The following XKR4 variants were observed in gnomAD, a reference collection of about 807,000 sequenced individuals.
XKR4 encodes XK related 4.
XKR4 carries 12 observed loss-of-function variants against 53.9 expected under a neutral mutation model. The observed-to-expected ratio is 0.22, with a 90% confidence interval of 0.14 to 0.36. The LOEUF (loss-of-function observed/expected upper bound fraction) is 0.36. Among genes scored for constraint, XKR4 ranks in the 10% least tolerant of loss-of-function variants. The probability of loss-of-function intolerance (pLI) is 1.00; values close to 1 mark genes in which losing one functional copy is unlikely to be tolerated. For synonymous variants in XKR4, 354 were observed against 362.4 expected (o/e 0.98, Z 0.26); for missense variants, 799 against 859.5 (o/e 0.93, Z 0.88).
intron 1 of XKR4, among the ~76,000 whole-genome samples, chr8:55,331,615 T>C (rs183610212): frequency 1.2e-3 from 184 of 152,296 alleles, no homozygotes; most frequent in African/African-American, 4.3e-3. Flanking sequence ...TGCAGATATT[T>C]AGGAAGTCTG....
At chr8:55,380,731 T>A (rs987486713) in intron 2 of XKR4, among the ~76,000 whole-genome samples, 3 of 152,264 alleles carry the variant, frequency 2.0e-5, no homozygotes, top group African/African-American at 7.2e-5. Context: ...CAACTCACCC[T>A]GTGTGTTTCT....
chr8:55,390,508 T>C (rs1447165114), intron 2 of XKR4, among the ~76,000 whole-genome samples: 1 of 152,206 alleles, frequency 6.6e-6, no homozygotes, highest in Non-Finnish European at 1.5e-5. Flanking sequence ...ACCTTAATGT[T>C]GTAAGTACCT....
intron 1 of XKR4, among the ~76,000 whole-genome samples, chr8:55,141,263 C>T (rs559527119): frequency 1.3e-5 from 2 of 152,212 alleles, no homozygotes; most frequent in African/African-American, 4.8e-5. Context: ...CCGCCTCCCT[C>T]CTCCTCTGCC....
At chr8:55,296,310 C>A (rs1819100648) in intron 1 of XKR4, among the ~76,000 whole-genome samples, 1 of 152,220 alleles carries the variant, frequency 6.6e-6, no homozygotes, top group Admixed American at 6.5e-5. Flanking sequence ...CCACCCTCAG[C>A]TACTGCTAGT....
chr8:55,385,112 G>A (rs1804289987), intron 2 of XKR4, among the ~76,000 whole-genome samples: 1 of 152,156 alleles, frequency 6.6e-6, no homozygotes, highest in Non-Finnish European at 1.5e-5. Context: ...ATGCTCTAAG[G>A]GCAGCTAAAA....
chr8:55,478,786 A>G (rs1806048390), intron 2 of XKR4, among the ~76,000 whole-genome samples: 1 of 152,132 alleles, frequency 6.6e-6, no homozygotes, highest in African/African-American at 2.4e-5. Context: ...ACCAACAGAG[A>G]TCAAAAGAGA....
At chr8:55,239,539 C>G (rs1818178741) in intron 1 of XKR4, among the ~76,000 whole-genome samples, 1 of 152,172 alleles carries the variant, frequency 6.6e-6, no homozygotes, top group Non-Finnish European at 1.5e-5. Flanking sequence ...CTCTGTGCCA[C>G]TCTCCTTCTG....
At chr8:55,367,050 C>T (rs771512852) in intron 2 of XKR4, among the ~76,000 whole-genome samples, 2 of 152,146 alleles carry the variant, frequency 1.3e-5, no homozygotes, top group Non-Finnish European at 2.9e-5. Flanking sequence ...AACATAGATA[C>T]AGAAAAGTAC....
rs988128241 is a variant in XKR4, at chr8:55,526,225, C to G, written c.*1998C>G. On this transcript the variant is annotated 3_prime_UTR_variant, in exon 3 of 3. Coordinates refer to ENST00000327381, the MANE Select transcript of XKR4 (RefSeq NM_052898.2). ...AATTCACACAAAGTAGTCCAGTTCT[C>G]TAGCCACCACCTGTAATGGGTGTGT... The G allele has an allele frequency of 6.6e-6, 1 of 152,290 alleles. No individual in the cohort carries two copies. Among genetic ancestry groups the G allele is most frequent in the Non-Finnish European group, 1.5e-5 (1 of 68,044 alleles). The allele number at this position is 152,290 out of a possible 1,614,324, so 9.4% of individuals were successfully genotyped here. A position where few individuals can be genotyped will look rare whatever the true frequency, so the allele number is the denominator to read the frequency against.
At chr8:55,265,827 A>G (rs893634567) in intron 1 of XKR4, among the ~76,000 whole-genome samples, 2 of 151,604 alleles carry the variant, frequency 1.3e-5, no homozygotes, top group Non-Finnish European at 2.9e-5. Context: ...AAAAAAAAAA[A>G]TACAAAAATT....
chr8:55,479,540 A>C (rs1806064496), intron 2 of XKR4, among the ~76,000 whole-genome samples: 1 of 152,190 alleles, frequency 6.6e-6, no homozygotes, highest in Admixed American at 6.5e-5. Flanking sequence ...GGCAAGAAAT[A>C]ACTAAAATCA....
rs1336866368 is a variant in XKR4, at chr8:55,536,443, G to C, written c.*12216G>C. The C allele has an allele frequency of 6.6e-6, 1 of 151,902 alleles. No homozygotes were observed. The highest frequency in any genetic ancestry group is 1.5e-5 in the Non-Finnish European group (1 of 67,802). 9.4% of individuals were successfully genotyped at this position (151,902 alleles called of 1,614,324 possible). ...ATTAAAAAATAAAGACTGTCCACAT[G>C]ACTGCAAATATCCTGATGAAAAGTG... On this transcript the variant is annotated 3_prime_UTR_variant, in exon 3 of 3. Coordinates refer to ENST00000327381, the MANE Select transcript of XKR4 (RefSeq NM_052898.2).
intron 1 of XKR4, among the ~76,000 whole-genome samples, chr8:55,171,274 T>C (rs951353595): frequency 2.0e-5 from 3 of 152,172 alleles, no homozygotes; most frequent in Non-Finnish European, 2.9e-5. Flanking sequence ...AGGCGTTTGA[T>C]AGAAAATGTG....
At chr8:55,245,406 A>C (rs988000763) in intron 1 of XKR4, among the ~76,000 whole-genome samples, 1 of 152,010 alleles carries the variant, frequency 6.6e-6, no homozygotes, top group African/African-American at 2.4e-5. Flanking sequence ...ATATATATTT[A>C]ATAATCCTAT....
chr8:55,364,632 G>GTT (rs1563333326), intron 2 of XKR4, among the ~76,000 whole-genome samples: 4 of 135,258 alleles, frequency 3.0e-5, no homozygotes, highest in Non-Finnish European at 6.0e-5. Context: ...TTGTTTTGTT[G>GTT]GGGTTTTTTT....
intron 1 of XKR4, among the ~76,000 whole-genome samples, chr8:55,150,850 G>GA (rs1293159547): frequency 2.6e-5 from 4 of 152,020 alleles, no homozygotes; most frequent in East Asian, 1.9e-4. Flanking sequence ...AAAGTCATTG[G>GA]AAAAAAAGAA....
chr8:55,280,248 C>A (rs1185943335), intron 1 of XKR4, among the ~76,000 whole-genome samples: 1 of 152,180 alleles, frequency 6.6e-6, no homozygotes, highest in Non-Finnish European at 1.5e-5. Flanking sequence ...GCCATTGTTT[C>A]TCTTTCCTTT....
intron 2 of XKR4, among the ~76,000 whole-genome samples, chr8:55,472,702 C>T (rs1805908570): frequency 1.3e-5 from 2 of 152,034 alleles, no homozygotes; most frequent in Non-Finnish European, 2.9e-5. Flanking sequence ...CCTCGGATTT[C>T]GCTATTCTGA....
intron 2 of XKR4, among the ~76,000 whole-genome samples, chr8:55,480,260 TA>T (rs1807030134): frequency 6.6e-6 from 1 of 151,034 alleles, no homozygotes; most frequent in Admixed American, 6.6e-5. Flanking sequence ...CGCAAATCAA[TA>T]AATGTAATCC....
Sources: gnomAD v4.1 joint callset for allele counts (sites outside exome capture counted in the v4.1 genomes callset) on GRCh38, gnomAD v4.1.1 for gene constraint, MANE v1.5 for transcripts, NCBI Gene and HGNC (gene_info 2026-07-23, HGNC 2026-07-21) for gene names.